Variants in CCSER1 observed in about 807,000 individuals in gnomAD.
CCSER1 encodes serine-rich coiled-coil domain-containing protein 1.
Under a neutral mutation model 82.0 loss-of-function variants are expected in CCSER1, and 41 were observed. The observed-to-expected ratio is 0.50, with a 90% CI of 0.39 to 0.65. The LOEUF (loss-of-function observed/expected upper bound fraction) is 0.65. Among genes scored for constraint, CCSER1 ranks in the 30% least tolerant of loss-of-function variants. The pLI is 0.00. For missense variants in CCSER1, 1,119 were observed against 1,064.2 expected (o/e 1.05, Z -0.72); for synonymous variants, 414 against 383.9 (o/e 1.08, Z -0.92).
chr4:90,898,269 CTTTTTTTTTTTTTTTTTTT>C (rs70963094), intron 8 of CCSER1, among the ~76,000 whole-genome samples: 1 of 52,532 alleles, frequency 1.9e-5, no homozygotes, highest in Non-Finnish European at 4.0e-5. Flanking sequence ...TTTAATCCAT[CTTTTTTTTTTTTTTTTTTT>C]TTTTTTTTTT....
chr4:91,252,951 A>G (rs1437536065), intron 10 of CCSER1, among the ~76,000 whole-genome samples: 1 of 152,150 alleles, frequency 6.6e-6, no homozygotes, highest in African/African-American at 2.4e-5. Flanking sequence ...CCTCCTTATT[A>G]GTAACTATGT....
At chr4:91,159,513 ATATTAAT>A (rs1336188143) in intron 10 of CCSER1, among the ~76,000 whole-genome samples, 1 of 151,966 alleles carries the variant, frequency 6.6e-6, no homozygotes, top group Non-Finnish European at 1.5e-5. Context: ...GGAAACATAA[ATATTAAT>A]TATTAATATA....
intron 9 of CCSER1, among the ~76,000 whole-genome samples, chr4:91,081,599 A>G (rs1187366934): frequency 1.3e-5 from 2 of 152,164 alleles, no homozygotes; most frequent in East Asian, 1.9e-4. Context: ...AGGGTATTCA[A>G]TTAGGAAAAG....
At chr4:91,570,657 C>G (rs1383874796) in intron 10 of CCSER1, among the ~76,000 whole-genome samples, 1 of 152,296 alleles carries the variant, frequency 6.6e-6, no homozygotes, top group East Asian at 1.9e-4. Flanking sequence ...GGCACCATGT[C>G]TCAAGGCTGC....
At chr4:91,295,306 A>G (rs56395024) in intron 10 of CCSER1, among the ~76,000 whole-genome samples, 33,903 of 151,868 alleles carry the variant, frequency 0.22, 5,052 homozygotes, top group African/African-American at 0.43. Flanking sequence ...AAATAGAATT[A>G]CAAATTTCTT....
chr4:90,273,006 A>C (rs535627943), intron 1 of CCSER1, among the ~76,000 whole-genome samples: 20 of 134,098 alleles, frequency 1.5e-4, no homozygotes, highest in African/African-American at 4.0e-4. Flanking sequence ...CTATCTCAAA[A>C]AAACAAACAA....
intron 6 of CCSER1, among the ~76,000 whole-genome samples, chr4:90,669,035 G>A (rs1732312902): frequency 1.3e-5 from 2 of 151,880 alleles, no homozygotes. Flanking sequence ...CCAGAAGCTT[G>A]GCAATCAAAA....
intron 1 of CCSER1, among the ~76,000 whole-genome samples, chr4:90,221,717 G>A (rs921290715): frequency 1.3e-5 from 2 of 152,080 alleles, no homozygotes; most frequent in African/African-American, 4.8e-5. Context: ...AATGATTACT[G>A]TATAATGTCT....
chr4:90,415,744 G>A (rs550807434), intron 4 of CCSER1, among the ~76,000 whole-genome samples: 72 of 152,102 alleles, frequency 4.7e-4, no homozygotes, highest in Non-Finnish European at 8.2e-4. Context: ...TTTCTATTTC[G>A]GCTACTCATA....
At chr4:91,312,592 G>T (rs977213915) in intron 10 of CCSER1, among the ~76,000 whole-genome samples, 1 of 151,770 alleles carries the variant, frequency 6.6e-6, no homozygotes, top group African/African-American at 2.4e-5. Context: ...AAGAAAAAAA[G>T]GCATAAAGCA....
chr4:91,188,314 G>T (rs1288953563), intron 10 of CCSER1, among the ~76,000 whole-genome samples: 1 of 152,134 alleles, frequency 6.6e-6, no homozygotes, highest in Non-Finnish European at 1.5e-5. Flanking sequence ...GAGGTTCATA[G>T]TAGTAGTCAT....
Position 91,601,393 on chromosome 4 carries a change from CA to C in CCSER1, c.*2338del, listed in dbSNP as rs1316225824. The C allele has an allele frequency of 6.6e-6, 1 of 151,936 alleles. No individual in the cohort carries two copies. Among genetic ancestry groups the C allele is most frequent in the Non-Finnish European group, 1.5e-5 (1 of 67,938 alleles). The allele number at this position is 151,936 out of a possible 1,614,324, so 9.4% of individuals were successfully genotyped here. A position where few individuals can be genotyped will look rare whatever the true frequency, so the allele number is the denominator to read the frequency against. ...TAAAGCTGTTTTGTATCAGTATTTT[CA>C]ACATTGTTATAATATTATTTGTAAT... is the stretch of plus-strand genomic sequence containing the variant. On this transcript the variant is annotated 3_prime_UTR_variant, in exon 11 of 11. Transcript: ENST00000509176.
At chr4:90,776,097 G>A in intron 7 of CCSER1, among the ~76,000 whole-genome samples, 1 of 152,106 alleles carries the variant, frequency 6.6e-6, no homozygotes, top group East Asian at 1.9e-4. Flanking sequence ...GTACCAGATA[G>A]TAAATTTTAT....
chr4:90,270,168 G>C lies in CCSER1; in HGVS notation c.-41-38076G>C, dbSNP rs1213059102. ...GTGGGAATACTTCCAAACTCATTCT[G>C]TAAGGCCAGCATTACCTCAATACCA... On this transcript the variant is annotated intron_variant, in intron 1 of 10. Transcript: ENST00000509176. Among the ~76,000 whole-genome samples, 3 of 152,032 alleles carry C rather than the reference G, an allele frequency of 2.0e-5. No homozygotes were observed. In the South Asian group the frequency reaches 6.2e-4, roughly 32 times the overall value.
chr4:90,320,716 T>G (rs1736998422), intron 3 of CCSER1, among the ~76,000 whole-genome samples: 1 of 152,162 alleles, frequency 6.6e-6, no homozygotes, highest in African/African-American at 2.4e-5. Context: ...GAAGCAGGAT[T>G]GAATAAAAAT....
At chr4:90,325,178 A>G (rs1397944082) in intron 3 of CCSER1, among the ~76,000 whole-genome samples, 1 of 152,214 alleles carries the variant, frequency 6.6e-6, no homozygotes, top group Non-Finnish European at 1.5e-5. Flanking sequence ...ATGTGGGGAC[A>G]ATCACTCGGG....
At chr4:90,691,527 C>A (rs1469077395) in intron 6 of CCSER1, among the ~76,000 whole-genome samples, 2 of 149,208 alleles carry the variant, frequency 1.3e-5, no homozygotes, top group Admixed American at 6.8e-5. Flanking sequence ...GTGTACATAT[C>A]ACACGTATAA....
intron 10 of CCSER1, among the ~76,000 whole-genome samples, chr4:91,521,809 AT>A (rs1202085859): frequency 6.6e-6 from 1 of 151,866 alleles, no homozygotes; most frequent in East Asian, 1.9e-4. Context: ...GATTGCAAAA[AT>A]TTTCTCCCAT....
chr4:90,173,251 A>G (rs1374411615), intron 1 of CCSER1, among the ~76,000 whole-genome samples: 3 of 151,756 alleles, frequency 2.0e-5, no homozygotes, highest in South Asian at 2.1e-4. Flanking sequence ...TTCATGGGCC[A>G]TTGTGGTCCA....
Sources: gnomAD v4.1 joint callset for allele counts (sites outside exome capture counted in the v4.1 genomes callset) on GRCh38, gnomAD v4.1.1 for gene constraint, MANE v1.5 for transcripts, NCBI Gene and HGNC (gene_info 2026-07-23, HGNC 2026-07-21) for gene names.